Variants in CSMD3 observed in about 807,000 individuals in gnomAD.
CSMD3 encodes CUB and Sushi multiple domains 3.
In CSMD3, 177 loss-of-function variants were observed where a neutral mutation model predicts 435.2. That is an observed-to-expected ratio of 0.41 (90% confidence interval 0.36 to 0.46). The LOEUF (loss-of-function observed/expected upper bound fraction) is 0.46, where lower values mean the gene tolerates loss of function less well. Among genes scored for constraint, CSMD3 ranks in the 20% least tolerant of loss-of-function variants. The pLI, the probability that CSMD3 is intolerant of heterozygous loss-of-function variation, is 0.34. For synonymous variants in CSMD3, 1,656 were observed against 1,520.5 expected (o/e 1.09, Z -2.07); for missense variants, 4,265 against 4,504.6 (o/e 0.95, Z 1.52).
At position 112,650,231 on chromosome 8, in the gene CSMD3, C is replaced by T. The variant is rs529705096; in HGVS notation, c.3123G>A (p.Arg1041=). The change falls in exon 19 of 71, where the codon AGG becomes AGA. Residue 1041 remains arginine (R), a synonymous_variant. Transcript: ENST00000297405. ...ATAGAAGGGGCTCTTCATGACTCAA[C>T]CTGTATCCTGAATCACAACTAAATG... ...TVSFSCDSGY[R]LSHEEPLLCE... The T allele has an allele frequency of 3.3e-5, 54 of 1,613,732 alleles. 1 individual carries two copies. The South Asian group carries it at 5.8e-4, about 17-fold the overall frequency.
chr8:113,289,550 G>A (rs200835216), intron 2 of CSMD3, among the ~76,000 whole-genome samples: 1 of 71,180 alleles, frequency 1.4e-5, no homozygotes, highest in Non-Finnish European at 2.9e-5. Flanking sequence ...CAGACAGAGA[G>A]AGACAGAGAG....
intron 4 of CSMD3, among the ~76,000 whole-genome samples, chr8:113,109,732 G>A (rs899197439): frequency 1.3e-5 from 2 of 152,072 alleles, no homozygotes; most frequent in African/African-American, 4.8e-5. Flanking sequence ...ACAGTCTACT[G>A]GTCTGGATTC....
intron 3 of CSMD3, among the ~76,000 whole-genome samples, chr8:113,253,780 A>T (rs1465286646): frequency 6.6e-6 from 1 of 151,726 alleles, no homozygotes; most frequent in Non-Finnish European, 1.5e-5. Flanking sequence ...TGGAGGTTGC[A>T]GTGACCCGAG....
At chr8:112,336,964 T>C (rs1395390443) in intron 43 of CSMD3, 135 bp from the exon 44 acceptor site, 6 of 764,020 alleles carry the variant, frequency 7.9e-6, no homozygotes, top group African/African-American at 1.7e-5. Context: ...AGTTGAGGTA[T>C]GTATAATGAA....
At chr8:112,886,279 T>C (rs1207197190) in intron 10 of CSMD3, among the ~76,000 whole-genome samples, 1 of 151,748 alleles carries the variant, frequency 6.6e-6, no homozygotes, top group Non-Finnish European at 1.5e-5. Context: ...TGTATTCATT[T>C]AATGACATAT....
intron 10 of CSMD3, among the ~76,000 whole-genome samples, chr8:112,878,969 G>T (rs908610006): frequency 7.9e-5 from 12 of 152,030 alleles, no homozygotes; most frequent in Admixed American, 4.6e-4. Context: ...TGATGATTGC[G>T]TTAACTGCAC....
rs199710071 is a variant in CSMD3 at position 113,105,110 on chromosome 8, AT to A, written c.710-6148del. On this transcript the variant is annotated intron_variant, in intron 4 of 70. Transcript: ENST00000297405. ...ATTATTTAAAGATTTGGAGAAAAAA[AT>A]ATTTAAATTAAATCAAGTAATAAAC... Among the ~76,000 whole-genome samples, 1,296 of 152,234 alleles carry A rather than the reference AT, an allele frequency of 8.5e-3. 22 individuals are homozygous for A. Among genetic ancestry groups the A allele is most frequent in the African/African-American group, 0.029 (1,216 of 41,562 alleles).
chr8:113,184,223 C>T (rs2092464772), intron 3 of CSMD3, among the ~76,000 whole-genome samples: 1 of 151,970 alleles, frequency 6.6e-6, no homozygotes, highest in Non-Finnish European at 1.5e-5. Context: ...CCTGGAAGTG[C>T]CACCCTTCAG....
At chr8:112,775,639 C>T (rs569742655) in intron 13 of CSMD3, among the ~76,000 whole-genome samples, 15 of 151,654 alleles carry the variant, frequency 9.9e-5, no homozygotes, top group Non-Finnish European at 1.9e-4. Context: ...ACTGAGTGGG[C>T]CTCAAAGTCA....
chr8:112,740,233 A>G (rs891077781), intron 13 of CSMD3, among the ~76,000 whole-genome samples: 2 of 151,868 alleles, frequency 1.3e-5, no homozygotes, highest in Non-Finnish European at 2.9e-5. Context: ...ATATACTGCC[A>G]AGTCTATTTC....
chr8:112,555,971 C>T (rs1429461130), intron 25 of CSMD3, among the ~76,000 whole-genome samples: 3 of 151,824 alleles, frequency 2.0e-5, no homozygotes, highest in African/African-American at 7.3e-5. Flanking sequence ...TCTATAAATG[C>T]CATCAAAAAA....
At chr8:112,630,288 G>T (rs1179824597) in intron 22 of CSMD3, among the ~76,000 whole-genome samples, 4 of 152,096 alleles carry the variant, frequency 2.6e-5, no homozygotes, top group African/African-American at 9.7e-5. Flanking sequence ...TAAATTAGAT[G>T]AGAGAAAGCT....
intron 7 of CSMD3, among the ~76,000 whole-genome samples, chr8:112,970,395 C>CAAAAAAAAAAAAAAAAA (rs11284034): frequency 1.2e-5 from 1 of 82,196 alleles, no homozygotes; most frequent in East Asian, 3.1e-4. Flanking sequence ...GACTCCCTCT[C>CAAAAAAAAAAAAAAAAA]AAAAAAAAAA....
intron 3 of CSMD3, among the ~76,000 whole-genome samples, chr8:113,217,974 A>G (rs1256071438): frequency 6.6e-6 from 1 of 151,312 alleles, no homozygotes; most frequent in East Asian, 1.9e-4. Flanking sequence ...AACAAAATAC[A>G]TTCATAAACG....
rs1373583313 is a variant in CSMD3 at position 112,755,200 on chromosome 8, G to A, written c.1972+44962C>T. Among the ~76,000 whole-genome samples the A allele has an allele frequency of 7.9e-5, 12 of 151,928 alleles. No homozygotes were observed. In the East Asian group the frequency reaches 9.8e-4, roughly 12 times the overall value. On this transcript the variant is annotated intron_variant, in intron 13 of 70. Transcript: ENST00000297405. ...CAAAAAATTAGCCGGGCGTGGTGGC[G>A]GGCACCTGCAGTCCCAGCTACTCGG...
At chr8:112,292,000 T>C (rs1554630692) in intron 55 of CSMD3, among the ~76,000 whole-genome samples, 1 of 152,010 alleles carries the variant, frequency 6.6e-6, no homozygotes, top group Non-Finnish European at 1.5e-5. Flanking sequence ...GAAAACAACA[T>C]GCAGGAGAAT....
At chr8:113,136,977 T>C (rs1257997643) in intron 4 of CSMD3, among the ~76,000 whole-genome samples, 1 of 151,646 alleles carries the variant, frequency 6.6e-6, no homozygotes, top group East Asian at 1.9e-4. Flanking sequence ...AGAAATAAAT[T>C]TGTGTATAGA....
chr8:112,380,672 A>T (rs6993441), intron 37 of CSMD3, among the ~76,000 whole-genome samples: 27,916 of 152,094 alleles, frequency 0.18, 3,074 homozygotes, highest in Middle Eastern at 0.35. Context: ...ATGGCTTTAG[A>T]TTGCTTCCTA....
chr8:112,915,916 C>T (rs1307500543), intron 10 of CSMD3, among the ~76,000 whole-genome samples: 1 of 151,742 alleles, frequency 6.6e-6, no homozygotes, highest in Non-Finnish European at 1.5e-5. Context: ...CTAAAAATAT[C>T]CTTAACAAGT....
Sources: allele counts gnomAD v4.1 joint callset (sites outside exome capture counted in the v4.1 genomes callset), GRCh38; gene constraint gnomAD v4.1.1; transcripts MANE v1.5; gene names NCBI Gene and HGNC (gene_info 2026-07-23, HGNC 2026-07-21).